ERBB4: variants seen among roughly 807,000 people sequenced by gnomAD.
ERBB4 encodes the protein erb-b2 receptor tyrosine kinase 4.
In ERBB4, 42 loss-of-function variants were observed where a neutral mutation model predicts 158.0. The observed-to-expected ratio is 0.27, with a 90% CI of 0.21 to 0.34. The LOEUF (loss-of-function observed/expected upper bound fraction) is 0.34, where lower values mean the gene tolerates loss of function less well. Ranked by LOEUF, ERBB4 falls within the 10% of genes least tolerant of loss-of-function variation. The pLI is 1.00. For synonymous variants in ERBB4, 583 were observed against 558.7 expected, an observed-to-expected ratio of 1.04 and a Z score of -0.61; for missense variants, 1,333 against 1,624.1, an observed-to-expected ratio of 0.82 and a Z score of 3.08.
chr2:211,581,115 G>C (rs1204326757), intron 19 of ERBB4, among the ~76,000 whole-genome samples: 1 of 150,624 alleles, frequency 6.6e-6, no homozygotes, highest in South Asian at 2.1e-4. Context: ...GGGACTCAGG[G>C]GGAAAGGGTG....
chr2:211,499,252 C>T (rs1475847421), intron 20 of ERBB4, among the ~76,000 whole-genome samples: 1 of 152,054 alleles, frequency 6.6e-6, no homozygotes, highest in African/African-American at 2.4e-5. Flanking sequence ...AGGCCGGGTG[C>T]CGTGGCTCAC....
intron 3 of ERBB4, among the ~76,000 whole-genome samples, chr2:211,937,486 T>C (rs980473201): frequency 1.3e-5 from 2 of 152,162 alleles, no homozygotes; most frequent in Non-Finnish European, 2.9e-5. Context: ...TTTCTATTAG[T>C]CCATTCTCAC....
intron 1 of ERBB4, among the ~76,000 whole-genome samples, chr2:212,350,210 G>A (rs2089192722): frequency 1.3e-5 from 2 of 152,040 alleles, no homozygotes; most frequent in South Asian, 4.1e-4. Flanking sequence ...AATTATGTGT[G>A]ATATATTCTT....
At chr2:211,728,835 A>C (rs1166767187) in intron 5 of ERBB4, among the ~76,000 whole-genome samples, 1 of 151,778 alleles carries the variant, frequency 6.6e-6, no homozygotes, top group Non-Finnish European at 1.5e-5. Flanking sequence ...AAAATGTTTC[A>C]GTTTCTCTGT....
At chr2:212,257,928 G>C (rs1177505151) in intron 1 of ERBB4, among the ~76,000 whole-genome samples, 1 of 152,076 alleles carries the variant, frequency 6.6e-6, no homozygotes, top group Non-Finnish European at 1.5e-5. Context: ...ATCTGTCACT[G>C]ACTCCAGTAT....
At position 211,893,621 on chromosome 2, in the gene ERBB4, G is replaced by A. The variant is rs917411495; in HGVS notation, c.421+53809C>T. The stretch of plus-strand genomic sequence containing the variant: ...AAGAAGCTACCATCAGAGTGAACAG[G>A]CAACCTACAAAATGGGAGAAAATTT... On this transcript the variant is annotated intron_variant, in intron 3 of 27. Transcript: ENST00000342788. Among the ~76,000 whole-genome samples the A allele has an allele frequency of 9.2e-4, 127 of 137,896 alleles. 17 individuals carry two copies. Among genetic ancestry groups the A allele is most frequent in the African/African-American group, 3.8e-3 (125 of 32,966 alleles). 90.5% of individuals were successfully genotyped at this position (137,896 alleles called of 152,430 possible). A position where few individuals can be genotyped will look rare whatever the true frequency, so the allele number is the denominator to read the frequency against.
intron 13 of ERBB4, among the ~76,000 whole-genome samples, chr2:211,678,107 A>T (rs7591647): frequency 0.45 from 68,936 of 151,794 alleles, 16,544 homozygotes; most frequent in African/African-American, 0.55. Context: ...TTATTGAAAT[A>T]CCAGATAAAA....
intron 2 of ERBB4, among the ~76,000 whole-genome samples, chr2:211,995,545 C>T (rs2082181319): frequency 1.3e-5 from 2 of 152,176 alleles, no homozygotes; most frequent in South Asian, 2.1e-4. Flanking sequence ...GCTGGGATTA[C>T]AGGTATGAGC....
rs919542008 is a variant in ERBB4 at position 212,513,617 on chromosome 2, C to T, written c.82+24832G>A. 2.0e-5 allele frequency among the ~76,000 whole-genome samples: 3 copies of T among 152,108 alleles called. No homozygotes were observed. In the South Asian group the frequency reaches 6.2e-4, roughly 32 times the overall value. The stretch of plus-strand genomic sequence containing the variant: ...CAAGAGGTCAGGAGATCGAGACCAT[C>T]TTGGCTAACACGGTGAAGCCCGTCT... On this transcript the variant is annotated intron_variant, in intron 1 of 27. Transcript: ENST00000342788.
rs13002514 is a variant in ERBB4, at chr2:211,706,280, T to C, written c.1125-889A>G. ...AGCCAAACAAATTTTATTCTTACTG[T>C]GGACATCTCTTCTTTTACCAGTCTC... On this transcript the variant is annotated intron_variant, in intron 9 of 27. Transcript: ENST00000342788. 5.3e-5 allele frequency among the ~76,000 whole-genome samples: 8 copies of C among 152,294 alleles called. No homozygotes were observed. The South Asian group carries it at 1.7e-3, about 32-fold the overall frequency.
At chr2:211,587,562 AG>A (rs2068323727) in intron 19 of ERBB4, among the ~76,000 whole-genome samples, 1 of 152,106 alleles carries the variant, frequency 6.6e-6, no homozygotes, top group Admixed American at 6.5e-5. Flanking sequence ...AGAGACTTAG[AG>A]GGAGCATGGC....
intron 2 of ERBB4, among the ~76,000 whole-genome samples, chr2:211,978,971 T>TG (rs2081712617): frequency 1.3e-5 from 2 of 152,190 alleles, no homozygotes; most frequent in South Asian, 4.1e-4. Flanking sequence ...CATAGATATA[T>TG]GGAAAAAGTG....
intron 1 of ERBB4, among the ~76,000 whole-genome samples, chr2:212,399,689 AC>A (rs1438998888): frequency 8.0e-6 from 1 of 124,792 alleles, no homozygotes; most frequent in African/African-American, 3.1e-5. Context: ...ACATTGTGAA[AC>A]CCCGTCTCTA....
rs146570623 is a variant in ERBB4, at chr2:212,430,068, C to A, written c.82+108381G>T. Among the ~76,000 whole-genome samples the A allele has an allele frequency of 2.5e-3, 384 of 152,178 alleles. 1 individual carries two copies. The highest frequency in any genetic ancestry group is 8.9e-3 in the African/African-American group (368 of 41,526). On this transcript the variant is annotated intron_variant, in intron 1 of 27. Transcript: ENST00000342788. ...ATAGTTGTTGGACAGATTAAATAAT[C>A]CACTTTCCTAAAATGCAACTGGTAA...
intron 3 of ERBB4, among the ~76,000 whole-genome samples, chr2:211,837,043 T>C (rs1285224652): frequency 6.6e-6 from 1 of 152,100 alleles, no homozygotes; most frequent in Non-Finnish European, 1.5e-5. Context: ...TCTTTTATGG[T>C]TCCAAAACCA....
chr2:212,146,089 G>C (rs1191434146), intron 1 of ERBB4, among the ~76,000 whole-genome samples: 2 of 152,094 alleles, frequency 1.3e-5, no homozygotes, highest in Admixed American at 6.6e-5. Flanking sequence ...ATTTCATTTA[G>C]TTCCATATTA....
chr2:212,209,277 C>A (rs1374902222), intron 1 of ERBB4, among the ~76,000 whole-genome samples: 1 of 152,112 alleles, frequency 6.6e-6, no homozygotes, highest in Non-Finnish European at 1.5e-5. Flanking sequence ...TTAATCACAG[C>A]CATTTTAAAA....
intron 3 of ERBB4, among the ~76,000 whole-genome samples, chr2:211,934,620 A>C (rs1375243180): frequency 6.6e-6 from 1 of 152,126 alleles, no homozygotes; most frequent in East Asian, 1.9e-4. Context: ...TAAGATTTAT[A>C]GAAGACATCA....
intron 2 of ERBB4, among the ~76,000 whole-genome samples, chr2:211,980,074 G>A (rs2081746123): frequency 6.6e-6 from 1 of 152,084 alleles, no homozygotes; most frequent in Non-Finnish European, 1.5e-5. Context: ...GATATAATGA[G>A]GTCATTTTAA....
Sources: allele counts gnomAD v4.1 joint callset (sites outside exome capture counted in the v4.1 genomes callset), GRCh38; gene constraint gnomAD v4.1.1; transcripts MANE v1.5; gene names NCBI Gene and HGNC (gene_info 2026-07-23, HGNC 2026-07-21).